BEND7: variants seen among roughly 807,000 people sequenced by gnomAD.
BEND7 encodes the protein BEN domain-containing protein 7.
Under a neutral mutation model 50.9 loss-of-function variants are expected in BEND7, and 28 were observed. The ratio of observed to expected loss-of-function variants is 0.55; its 90% CI spans 0.41 to 0.75. BEND7 has a LOEUF of 0.75. Among genes scored for constraint, BEND7 ranks in the 30% least tolerant of loss-of-function variants. The pLI, the probability that BEND7 is intolerant of heterozygous loss-of-function variation, is 0.00. For synonymous variants in BEND7, 170 were observed against 183.9 expected, an observed-to-expected ratio of 0.92 and a Z score of 0.61; for missense variants, 477 against 491.3, an observed-to-expected ratio of 0.97 and a Z score of 0.28.
chr10:13,477,763 A>C (rs1056809298), intron 6 of BEND7, among the ~76,000 whole-genome samples: 4 of 152,352 alleles, frequency 2.6e-5, no homozygotes, highest in African/African-American at 9.6e-5. Context: ...AGAAGATGTG[A>C]GGATGGATGT....
chr10:13,501,783 T>C (rs2077487951), intron 2 of BEND7, among the ~76,000 whole-genome samples: 1 of 151,736 alleles, frequency 6.6e-6, no homozygotes, highest in East Asian at 1.9e-4. Context: ...GAGGCAGAGG[T>C]TGCAGCGAGC....
chr10:13,509,602 C>G (rs527336023), intron 2 of BEND7, among the ~76,000 whole-genome samples: 1 of 152,316 alleles, frequency 6.6e-6, no homozygotes, highest in African/African-American at 2.4e-5. Flanking sequence ...AAAAAGAGAT[C>G]ACTTTACCCT....
intron 2 of BEND7, among the ~76,000 whole-genome samples, chr10:13,525,770 G>A (rs1306366308): frequency 6.6e-6 from 1 of 152,178 alleles, no homozygotes; most frequent in Non-Finnish European, 1.5e-5. Context: ...TTGAATTTCT[G>A]TTATCCAGAT....
At chr10:13,527,070 AC>A (rs1167435041) in intron 1 of BEND7, among the ~76,000 whole-genome samples, 1 of 152,114 alleles carries the variant, frequency 6.6e-6, no homozygotes, top group African/African-American at 2.4e-5. Flanking sequence ...AGTCAACAAA[AC>A]TACTCTCACT....
At chr10:13,472,162 C>T (rs1298716317) in intron 6 of BEND7, among the ~76,000 whole-genome samples, 2 of 151,828 alleles carry the variant, frequency 1.3e-5, no homozygotes, top group Non-Finnish European at 2.9e-5. Context: ...GGTTGATACT[C>T]GTCATCGCTG....
chr10:13,469,414 C>T (rs1241897765), intron 6 of BEND7, among the ~76,000 whole-genome samples: 5 of 152,160 alleles, frequency 3.3e-5, no homozygotes, highest in East Asian at 1.9e-4. Context: ...TGCTCTTATA[C>T]AAAAATGTCT....
At chr10:13,471,774 C>A (rs2074856357) in intron 6 of BEND7, among the ~76,000 whole-genome samples, 1 of 152,260 alleles carries the variant, frequency 6.6e-6, no homozygotes, top group South Asian at 2.1e-4. Flanking sequence ...CTTCAGAAAA[C>A]CAGGTGCTTG....
chr10:13,529,273 C>CGCTGGCCTCCCTCCGCCGCTTGCTG (rs1409019006), upstream of BEND7, among the ~76,000 whole-genome samples: 2 of 150,796 alleles, frequency 1.3e-5, no homozygotes, highest in Admixed American at 6.6e-5. Flanking sequence ...AGACCCCGCT[C>CGCTGGCCTCCCTCCGCCGCTTGCTG]GCTGGCCTCC....
rs1335072123 is a variant in BEND7, at chr10:13,515,790, T to A, written c.145+10348A>T. Reference sequence around the variant, plus strand: ...GATGGCAATGGAATAGTTTTTTTCCTGTTTAAAGTCAAATTGCCTTCAGGA... The same window carrying A: ...GATGGCAATGGAATAGTTTTTTTCCAGTTTAAAGTCAAATTGCCTTCAGGA... On this transcript the variant is annotated intron_variant, in intron 2 of 8. Coordinates refer to ENST00000466271, the MANE Select transcript of BEND7 (RefSeq NM_001369863.1). 2.0e-5 allele frequency among the ~76,000 whole-genome samples: 3 copies of A among 152,340 alleles called. No homozygotes were observed. The East Asian group carries it at 5.8e-4, about 29-fold the overall frequency.
chr10:13,507,973 T>C (rs1437607449), intron 2 of BEND7, among the ~76,000 whole-genome samples: 2 of 152,208 alleles, frequency 1.3e-5, no homozygotes, highest in Admixed American at 6.5e-5. Flanking sequence ...TAAAAACTCA[T>C]AGAGGTTGGC....
At chr10:13,457,418 G>A (rs1839227107) in intron 6 of BEND7, among the ~76,000 whole-genome samples, 1 of 152,096 alleles carries the variant, frequency 6.6e-6, no homozygotes, top group Non-Finnish European at 1.5e-5. Context: ...AACTTATTTG[G>A]TTTCAATAGA....
At chr10:13,521,922 TG>T (rs919692436) in intron 2 of BEND7, among the ~76,000 whole-genome samples, 2 of 152,140 alleles carry the variant, frequency 1.3e-5, no homozygotes, top group African/African-American at 4.8e-5. Context: ...GTGTCCTCTT[TG>T]GGGAGATTCT....
intron 2 of BEND7, among the ~76,000 whole-genome samples, chr10:13,505,775 T>C (rs1356988833): frequency 1.3e-5 from 2 of 152,150 alleles, no homozygotes; most frequent in East Asian, 3.9e-4. Context: ...TGTGTGCCCA[T>C]CTATATGCCT....
intron 2 of BEND7, among the ~76,000 whole-genome samples, chr10:13,505,761 T>C (rs565813043): frequency 6.6e-6 from 1 of 152,182 alleles, no homozygotes; most frequent in Non-Finnish European, 1.5e-5. Flanking sequence ...ACAGAGCAGT[T>C]GCATGTGTGC....
rs1483993885 is a variant in BEND7 at position 13,526,139 on chromosome 10, T to TA, written c.143dup (p.Leu48PhefsTer4). 7.8e-7 allele frequency: 1 copy of TA among 1,285,646 alleles called. No individual in the cohort carries two copies. Among genetic ancestry groups the TA allele is most frequent in the South Asian group, 1.2e-5 (1 of 80,588 alleles). The allele number at this position is 1,285,646 out of a possible 1,614,324, so 79.6% of individuals were successfully genotyped here. A position where few individuals can be genotyped will look rare whatever the true frequency, so the allele number is the denominator to read the frequency against. ...GTATTAATTGACATAGGAACCTACC[T>TA]AAAAAAATGGGCTGTGTCTCTTTGG... On this transcript the variant is annotated frameshift_variant and splice_region_variant, in exon 2 of 9. Transcript: ENST00000466271. LOFTEE classifies it high-confidence loss of function.
chr10:13,457,265 A>G (rs1839185761), intron 6 of BEND7, among the ~76,000 whole-genome samples: 2 of 152,226 alleles, frequency 1.3e-5, no homozygotes, highest in Non-Finnish European at 2.9e-5. Flanking sequence ...GTTTAAGATA[A>G]GCCAAAGGAG....
chr10:13,463,844 AAGTC>A (rs913637795), intron 6 of BEND7, among the ~76,000 whole-genome samples: 1 of 152,242 alleles, frequency 6.6e-6, no homozygotes, highest in African/African-American at 2.4e-5. Flanking sequence ...AAACTCCAGT[AAGTC>A]AGTAAGAGAA....
At chr10:13,453,600 C>T (rs1588662003) in intron 6 of BEND7, among the ~76,000 whole-genome samples, 1 of 152,262 alleles carries the variant, frequency 6.6e-6, no homozygotes, top group East Asian at 1.9e-4. Flanking sequence ...AGAAGGTTCA[C>T]CATCTACCAT....
At chr10:13,479,780 T>A (rs2131699244) in intron 6 of BEND7, among the ~76,000 whole-genome samples, 1 of 150,322 alleles carries the variant, frequency 6.7e-6, no homozygotes, top group Admixed American at 6.7e-5. Flanking sequence ...TGATTGAGCA[T>A]GAGAAATTCT....
Sources: gnomAD v4.1 joint callset for allele counts (sites outside exome capture counted in the v4.1 genomes callset) on GRCh38, gnomAD v4.1.1 for gene constraint, MANE v1.5 for transcripts, NCBI Gene and HGNC (gene_info 2026-07-23, HGNC 2026-07-21) for gene names.